GPM6A: variants seen among roughly 807,000 people sequenced by gnomAD.
GPM6A encodes glycoprotein M6A, also known as neuronal membrane glycoprotein M6-a.
In GPM6A, 7 loss-of-function variants were observed where a neutral mutation model predicts 32.1. The ratio of observed to expected loss-of-function variants is 0.22; its 90% CI spans 0.12 to 0.41. The LOEUF (loss-of-function observed/expected upper bound fraction) is 0.41, where lower values mean the gene tolerates loss of function less well. Ranked by LOEUF, GPM6A falls within the 10% of genes least tolerant of loss-of-function variation. The probability of loss-of-function intolerance (pLI) is 1.00; values close to 1 mark genes in which losing one functional copy is unlikely to be tolerated. For synonymous variants in GPM6A, 130 were observed against 123.4 expected (o/e 1.05, Z -0.35); for missense variants, 235 against 347.2 (o/e 0.68, Z 2.57).
At chr4:175,769,924 A>G (rs532845265) in intron 1 of GPM6A, among the ~76,000 whole-genome samples, 2 of 152,338 alleles carry the variant, frequency 1.3e-5, no homozygotes, top group African/African-American at 4.8e-5. Flanking sequence ...CATTCCACTA[A>G]AATATTCAGG....
At chr4:175,839,001 C>T (rs545381000) in intron 1 of GPM6A, among the ~76,000 whole-genome samples, 46 of 152,204 alleles carry the variant, frequency 3.0e-4, no homozygotes, top group African/African-American at 1.0e-3. Flanking sequence ...GATCTGACTT[C>T]AGGAATAATC....
At chr4:175,779,846 G>A (rs1733546615) in intron 1 of GPM6A, among the ~76,000 whole-genome samples, 1 of 152,040 alleles carries the variant, frequency 6.6e-6, no homozygotes, top group Admixed American at 6.6e-5. Context: ...AAGGAGATAA[G>A]AGAATAATAA....
chr4:175,741,243 T>C (rs1731876655), intron 1 of GPM6A, among the ~76,000 whole-genome samples: 1 of 152,046 alleles, frequency 6.6e-6, no homozygotes, highest in Admixed American at 6.6e-5. Flanking sequence ...TCTCTCTGTA[T>C]CTTTCCCATC....
chr4:175,919,255 T>C (rs1738592341), intron 1 of GPM6A, among the ~76,000 whole-genome samples: 1 of 152,092 alleles, frequency 6.6e-6, no homozygotes, highest in African/African-American at 2.4e-5. Context: ...TAGTAAAATA[T>C]AATGAGTTTT....
chr4:175,945,530 C>A (rs1006568515), intron 1 of GPM6A, among the ~76,000 whole-genome samples: 45 of 151,596 alleles, frequency 3.0e-4, no homozygotes, highest in African/African-American at 8.5e-4. Context: ...ACCCATATTA[C>A]TTAGTTGTAA....
At chr4:175,862,509 G>C (rs1324759700) in intron 1 of GPM6A, among the ~76,000 whole-genome samples, 2 of 152,056 alleles carry the variant, frequency 1.3e-5, no homozygotes, top group Non-Finnish European at 2.9e-5. Flanking sequence ...TGTTAATTTA[G>C]AACAATTTAT....
chr4:175,702,710 T>C (rs1048591152), intron 1 of GPM6A, among the ~76,000 whole-genome samples: 1 of 152,126 alleles, frequency 6.6e-6, no homozygotes, highest in Non-Finnish European at 1.5e-5. Context: ...AGAGACAGGG[T>C]TTCACCATAT....
chr4:175,737,894 C>T (rs1266044871), intron 1 of GPM6A, among the ~76,000 whole-genome samples: 1 of 151,468 alleles, frequency 6.6e-6, no homozygotes, highest in African/African-American at 2.4e-5. Flanking sequence ...CATGGGGATG[C>T]ACTTCCATGA....
chr4:175,640,252 C>A, intron 5 of GPM6A, 58 bp from the exon 6 acceptor site: 4 of 1,332,744 alleles, frequency 3.0e-6, no homozygotes, highest in South Asian at 2.3e-5. Flanking sequence ...GAAGAGAAGT[C>A]AAGATTGCTA....
At chr4:175,834,649 A>G (rs1348873177) in intron 1 of GPM6A, among the ~76,000 whole-genome samples, 1 of 152,220 alleles carries the variant, frequency 6.6e-6, no homozygotes, top group African/African-American at 2.4e-5. Context: ...GAATTTAAAA[A>G]AAAAACAACT....
chr4:175,824,927 A>G (rs1735387453), intron 1 of GPM6A, among the ~76,000 whole-genome samples: 2 of 152,202 alleles, frequency 1.3e-5, no homozygotes, highest in Admixed American at 6.5e-5. Flanking sequence ...ACATTAAATG[A>G]CTCAGTAAAC....
At chr4:175,671,563 T>C (rs1246999479) in intron 3 of GPM6A, among the ~76,000 whole-genome samples, 1 of 145,650 alleles carries the variant, frequency 6.9e-6, no homozygotes, top group African/African-American at 2.5e-5. Flanking sequence ...AAATCTTTCT[T>C]TTCCCCTCGA....
intron 1 of GPM6A, among the ~76,000 whole-genome samples, chr4:175,978,843 GA>G (rs1433530871): frequency 1.3e-5 from 2 of 152,048 alleles, no homozygotes; most frequent in Non-Finnish European, 2.9e-5. Flanking sequence ...GCATTAGTGA[GA>G]GTTAAGAACC....
intron 1 of GPM6A, among the ~76,000 whole-genome samples, chr4:175,779,992 G>GA (rs955784640): frequency 6.1e-5 from 9 of 146,410 alleles, no homozygotes; most frequent in East Asian, 2.0e-4. Flanking sequence ...TATGCTCAGT[G>GA]AAAAAAAAAT....
At chr4:175,754,165 T>C (rs999920698) in intron 1 of GPM6A, among the ~76,000 whole-genome samples, 3 of 152,148 alleles carry the variant, frequency 2.0e-5, no homozygotes, top group African/African-American at 7.2e-5. Flanking sequence ...TAATTCCCAC[T>C]AAAACACTGA....
In GPM6A at chr4:175,898,138, C is replaced by A. The variant is rs185104924; in HGVS notation, c.-22-85889G>T. 1.9e-3 allele frequency among the ~76,000 whole-genome samples: 296 copies of A among 152,268 alleles called. 1 individual carries two copies. Among genetic ancestry groups the A allele is most frequent in the Non-Finnish European group, 3.2e-3 (218 of 68,018 alleles). ...TGCCTTAATCATTTACCCCTTAAACCAGTGCAACTGATTTCTCCATACCAA... is the reference window on the plus strand; with the variant it reads ...TGCCTTAATCATTTACCCCTTAAACAAGTGCAACTGATTTCTCCATACCAA... On this transcript the variant is annotated intron_variant, in intron 1 of 7. Transcript: ENST00000280187.
intron 3 of GPM6A, among the ~76,000 whole-genome samples, chr4:175,663,438 T>A (rs1317384562): frequency 6.6e-6 from 1 of 152,134 alleles, no homozygotes; most frequent in African/African-American, 2.4e-5. Flanking sequence ...TTAGAAGGAA[T>A]AAGTTAAGAG....
chr4:175,788,124 A>G (rs1037229418), intron 1 of GPM6A: 2 of 152,110 alleles, frequency 1.3e-5, no homozygotes, highest in African/African-American at 4.8e-5. Context: ...CTTTGTGGAT[A>G]TTCATTAATA....
At chr4:175,923,407 T>G (rs1298798321) in intron 1 of GPM6A, among the ~76,000 whole-genome samples, 1 of 149,510 alleles carries the variant, frequency 6.7e-6, no homozygotes, top group Non-Finnish European at 1.5e-5. Flanking sequence ...ACACATTGAA[T>G]AGTGAGAGGC....
Sources: allele counts gnomAD v4.1 joint callset (sites outside exome capture counted in the v4.1 genomes callset), GRCh38; gene constraint gnomAD v4.1.1; transcripts MANE v1.5; gene names NCBI Gene and HGNC (gene_info 2026-07-23, HGNC 2026-07-21).